Variants in SPIRE1 observed in about 807,000 individuals in gnomAD.
The protein encoded by SPIRE1 is protein spire homolog 1.
In SPIRE1, 40 loss-of-function variants were observed where a neutral mutation model predicts 94.1. The ratio of observed to expected loss-of-function variants is 0.43; its 90% CI spans 0.33 to 0.55. SPIRE1 has a LOEUF of 0.55. Among genes scored for constraint, SPIRE1 ranks in the 20% least tolerant of loss-of-function variants. SPIRE1 has a pLI of 0.06. For missense variants in SPIRE1, 838 were observed against 975.2 expected (o/e 0.86, Z 1.87); for synonymous variants, 376 against 371.7 (o/e 1.01, Z -0.13).
chr18:12,492,728 G>A (rs1051435220), intron 8 of SPIRE1, among the ~76,000 whole-genome samples: 1 of 152,046 alleles, frequency 6.6e-6, no homozygotes, highest in African/African-American at 2.4e-5. Flanking sequence ...TCCCCCTTCT[G>A]CCAATGAAGA....
chr18:12,529,407 A>G (rs1419575149), intron 4 of SPIRE1, among the ~76,000 whole-genome samples: 1 of 152,076 alleles, frequency 6.6e-6, no homozygotes, highest in African/African-American at 2.4e-5. Context: ...GAATATATAA[A>G]GGTGTCTGGG....
intron 6 of SPIRE1, among the ~76,000 whole-genome samples, chr18:12,501,150 T>G (rs73403761): frequency 0.056 from 8,303 of 148,726 alleles, 274 homozygotes; most frequent in South Asian, 0.094. Context: ...TGAATGAACC[T>G]TGAAACATTA....
At chr18:12,565,673 C>G (rs2035799160) in intron 2 of SPIRE1, among the ~76,000 whole-genome samples, 1 of 151,300 alleles carries the variant, frequency 6.6e-6, no homozygotes, top group African/African-American at 2.4e-5. Context: ...TGCGCCCGGC[C>G]AAGACTTTTC....
intron 2 of SPIRE1, among the ~76,000 whole-genome samples, chr18:12,548,883 A>AG (rs1459512600): frequency 6.6e-6 from 1 of 152,142 alleles, no homozygotes; most frequent in Non-Finnish European, 1.5e-5. Context: ...TCAAAGTGCT[A>AG]GGATTACAGG....
intron 6 of SPIRE1, among the ~76,000 whole-genome samples, chr18:12,496,841 T>C (rs1280761229): frequency 6.6e-6 from 1 of 151,650 alleles, no homozygotes; most frequent in Non-Finnish European, 1.5e-5. Flanking sequence ...TGCACTCCAG[T>C]CTGGGTGACA....
chr18:12,647,523 G>A (rs1453877501), intron 1 of SPIRE1, among the ~76,000 whole-genome samples: 1 of 152,110 alleles, frequency 6.6e-6, no homozygotes, highest in Non-Finnish European at 1.5e-5. Flanking sequence ...AGCTGAGGCA[G>A]GAAGATCACT....
chr18:12,638,293 A>T (rs191626845), intron 1 of SPIRE1, among the ~76,000 whole-genome samples: 2 of 152,250 alleles, frequency 1.3e-5, no homozygotes. Context: ...AAAAATAAAA[A>T]ATTAGCCACG....
chr18:12,526,084 C>CACACACACACACACAA (rs2034516055), intron 4 of SPIRE1, among the ~76,000 whole-genome samples: 1 of 144,448 alleles, frequency 6.9e-6, no homozygotes, highest in Admixed American at 6.9e-5. Flanking sequence ...CACACACACA[C>CACACACACACACACAA]ACACACACAG....
At position 12,546,767 on chromosome 18, in the gene SPIRE1, A is replaced by G. The variant is rs1258306078; in HGVS notation, c.510T>C (p.Asn170=). 1 of 1,613,816 alleles carries G rather than the reference A, an allele frequency of 6.2e-7. No individual in the cohort carries two copies. The highest frequency in any genetic ancestry group is 8.5e-7 in the Non-Finnish European group (1 of 1,180,008). Reference sequence around the variant, plus strand: ...CTTCTGCAGCCTCATAGCCCTCATCATTGCTACCGTCAGCTTCCACCGTGT... The same window carrying G: ...CTTCTGCAGCCTCATAGCCCTCATCGTTGCTACCGTCAGCTTCCACCGTGT... ...MANTVEADGS[N]DEGYEAAEEG... Residue 170 remains asparagine (N), a synonymous_variant, in exon 3 of 17, where the codon AAT becomes AAC. Transcript: ENST00000409402.
At chr18:12,640,946 T>C (rs1441823297) in intron 1 of SPIRE1, among the ~76,000 whole-genome samples, 1 of 152,098 alleles carries the variant, frequency 6.6e-6, no homozygotes, top group African/African-American at 2.4e-5. Flanking sequence ...CTTGCTATAA[T>C]GTGAAGAACG....
chr18:12,547,609 T>G (rs1047998812), intron 2 of SPIRE1, among the ~76,000 whole-genome samples: 1 of 152,206 alleles, frequency 6.6e-6, no homozygotes, highest in Non-Finnish European at 1.5e-5. Flanking sequence ...CTTTTAATTT[T>G]ATTGTTCTCT....
At chr18:12,489,563 CAA>C (rs1373606226) in intron 8 of SPIRE1, among the ~76,000 whole-genome samples, 23 of 152,050 alleles carry the variant, frequency 1.5e-4, no homozygotes. Flanking sequence ...TAGAAGAAAA[CAA>C]ATGATCAGAG....
intron 1 of SPIRE1, among the ~76,000 whole-genome samples, chr18:12,643,866 A>G (rs542254953): frequency 6.6e-6 from 1 of 152,164 alleles, no homozygotes; most frequent in East Asian, 1.9e-4. Context: ...TTCTTTAAAT[A>G]TAAATATAAT....
intron 9 of SPIRE1, among the ~76,000 whole-genome samples, 188 bp downstream of exon 9, chr18:12,485,771 T>C (rs754809241): frequency 3.9e-5 from 6 of 152,240 alleles, no homozygotes; most frequent in Non-Finnish European, 5.9e-5. Context: ...ACAGATTTAC[T>C]GTAGTCTTGT....
At chr18:12,541,099 C>T (rs1047447758) in intron 3 of SPIRE1, among the ~76,000 whole-genome samples, 1 of 152,180 alleles carries the variant, frequency 6.6e-6, no homozygotes. Flanking sequence ...TCTTCTTTGA[C>T]TCTTGGGGCA....
Position 12,452,366 on chromosome 18 carries a change from G to C in SPIRE1, c.1901C>G (p.Ser634Cys). Residue 634 changes from serine (S) to cysteine (C), a missense_variant, in exon 16 of 17, where the codon TCC becomes TGC. Physicochemically the swap from Ser to Cys is moderately radical, Grantham distance 112. Around this residue, in one of 2 missense-constraint regions of SPIRE1, gnomAD observed 645 missense variants for 804.7 expected, o/e 0.80. Transcript: ENST00000409402. ...TCCCAATGAAAAGATAGGAAGAGTG[G>C]AGTATGGTTTGGAGGGCAGCCGCAT... is the stretch of plus-strand genomic sequence containing the variant. ...KKMRLPSKPYSTLPIFSLGPS... is the reference protein window; with the variant it reads ...KKMRLPSKPYCTLPIFSLGPS... The C allele has an allele frequency of 6.2e-7, 1 of 1,614,140 alleles. No homozygotes were observed. The highest frequency in any genetic ancestry group is 8.5e-7 in the Non-Finnish European group (1 of 1,180,030).
intron 2 of SPIRE1, among the ~76,000 whole-genome samples, chr18:12,552,048 G>A (rs1263580876): frequency 6.6e-6 from 1 of 152,190 alleles, no homozygotes; most frequent in South Asian, 2.1e-4. Context: ...AAAGTAAATC[G>A]GGCTGAGGCC....
intron 10 of SPIRE1, among the ~76,000 whole-genome samples, chr18:12,467,728 G>A (rs1298732836): frequency 1.3e-5 from 2 of 152,186 alleles, no homozygotes; most frequent in Non-Finnish European, 2.9e-5. Flanking sequence ...GAGGTGGGCG[G>A]ATCACGAGGT....
At chr18:12,455,330 T>TTACATCAGCACACC (rs1414222083) in intron 12 of SPIRE1, among the ~76,000 whole-genome samples, 1 of 152,160 alleles carries the variant, frequency 6.6e-6, no homozygotes, top group Non-Finnish European at 1.5e-5. Flanking sequence ...TAGTGATCAG[T>TTACATCAGCACACC]TACATCAGCA....
Sources: gnomAD v4.1 joint callset for allele counts (sites outside exome capture counted in the v4.1 genomes callset) on GRCh38, gnomAD v4.1.1 for gene constraint, gnomAD v4.1.1 regional missense constraint, MANE v1.5 for transcripts, NCBI Gene and HGNC (gene_info 2026-07-23, HGNC 2026-07-21) for gene names.